Variants in ARHGEF12 observed in about 807,000 individuals in gnomAD.
The protein encoded by ARHGEF12 is Rho guanine nucleotide exchange factor 12.
ARHGEF12 carries 66 observed loss-of-function variants against 211.2 expected under a neutral mutation model. The ratio of observed to expected loss-of-function variants is 0.31; its 90% CI spans 0.26 to 0.38. ARHGEF12 has a LOEUF of 0.38. ARHGEF12 is among the 10% of genes least tolerant of loss of function. ARHGEF12 has a pLI of 1.00. For missense variants in ARHGEF12, 1,429 were observed against 1,869.5 expected, an observed-to-expected ratio of 0.76 and a Z score of 4.34; for synonymous variants, 592 against 638.4, an observed-to-expected ratio of 0.93 and a Z score of 1.09.
rs761766621 is a variant in ARHGEF12 at position 120,440,132 on chromosome 11, A to G, written c.1003A>G (p.Thr335Ala). 8.1e-6 allele frequency: 13 copies of G among 1,609,192 alleles called. No homozygotes were observed. The highest frequency in any genetic ancestry group is 1.1e-5 in the Non-Finnish European group (13 of 1,177,712). The change falls in exon 13 of 41, where the codon ACT becomes GCT. Residue 335 changes from threonine (T) to alanine (A), a missense_variant. Coordinates refer to ENST00000397843, the MANE Select transcript of ARHGEF12 (RefSeq NM_015313.3). ...EKSETIQDTD[T>A]QSLVGSPSTR... ...TCTTTTCCCTGAATGTTGCCAGGACACTCAATCACTTGTCGGAAGTCCCTC... is the reference window on the plus strand; with the variant it reads ...TCTTTTCCCTGAATGTTGCCAGGACGCTCAATCACTTGTCGGAAGTCCCTC...
intron 11 of ARHGEF12, among the ~76,000 whole-genome samples, chr11:120,434,541 G>T (rs1945639367): frequency 6.6e-6 from 1 of 152,146 alleles, no homozygotes; most frequent in South Asian, 2.1e-4. Context: ...TGCTTTTGTT[G>T]TTGTTTTAAC....
chr11:120,453,723 A>G (rs1449714354), intron 22 of ARHGEF12, among the ~76,000 whole-genome samples: 1 of 152,210 alleles, frequency 6.6e-6, no homozygotes, highest in East Asian at 1.9e-4. Context: ...ATCTCAAGAA[A>G]AACAACAACA....
At chr11:120,376,580 A>G (rs1032886669) in intron 1 of ARHGEF12, among the ~76,000 whole-genome samples, 1 of 152,166 alleles carries the variant, frequency 6.6e-6, no homozygotes, top group African/African-American at 2.4e-5. Context: ...CAGGGATACA[A>G]TGCATGATAA....
chr11:120,459,226 A>G lies in ARHGEF12; in HGVS notation c.2433A>G (p.Gln811=), dbSNP rs1429583586. 2 of 1,613,716 alleles carry G rather than the reference A, an allele frequency of 1.2e-6. No homozygotes were observed. The highest frequency in any genetic ancestry group is 3.3e-5 in the Admixed American group (2 of 59,998). Residue 811 remains glutamine (Q), a synonymous_variant, in exon 26 of 41, where the codon CAA becomes CAG. Coordinates refer to ENST00000397843, the MANE Select transcript of ARHGEF12 (RefSeq NM_015313.3). ...TTCGAACACTGAAGGTTCTTGATCA[A>G]GTGTTCTATCAGCGAGTATCCAGAG... ...AHVRTLKVLD[Q]VFYQRVSREG...
intron 23 of ARHGEF12, chr11:120,457,499 A>AATAT (rs1946398253): frequency 4.6e-6 from 2 of 439,506 alleles, no homozygotes; most frequent in East Asian, 7.1e-5. Flanking sequence ...TAAATAAATA[A>AATAT]GTTGGGTGCA....
chr11:120,407,677 T>C (rs1397202385), intron 2 of ARHGEF12, 61 bp from the exon 3 acceptor site: 2 of 1,332,196 alleles, frequency 1.5e-6, no homozygotes, highest in South Asian at 2.5e-5. Context: ...TTTAGAATTT[T>C]AAATTTTTTA....
At chr11:120,445,867 C>T (rs1164713786) in intron 16 of ARHGEF12, among the ~76,000 whole-genome samples, 2 of 151,510 alleles carry the variant, frequency 1.3e-5, no homozygotes, top group Non-Finnish European at 2.9e-5. Flanking sequence ...CATTAACACT[C>T]CAGCCTGGGT....
intron 1 of ARHGEF12, among the ~76,000 whole-genome samples, chr11:120,369,657 TTAATTC>T (rs1216209519): frequency 3.3e-5 from 5 of 152,250 alleles, no homozygotes; most frequent in African/African-American, 1.2e-4. Context: ...TTTAAGCTAA[TTAATTC>T]TAAATTTAAA....
Position 120,445,476 on chromosome 11 carries a change from G to T in ARHGEF12, c.1345+12G>T, listed in dbSNP as rs981275819. 3 of 1,613,282 alleles carry T rather than the reference G, an allele frequency of 1.9e-6. No individual in the cohort carries two copies. The African/African-American group carries it at 4.0e-5, about 22-fold the overall frequency. ...GTCTGCAGATCTAGGTAAGCTTGGA[G>T]CACTAACATCCTGGAGAATTACATC... is the stretch of plus-strand genomic sequence containing the variant. On this transcript the variant is annotated intron_variant, in intron 16 of 40. Coordinates refer to ENST00000397843, the MANE Select transcript of ARHGEF12 (RefSeq NM_015313.3).
rs563098909 is a variant in ARHGEF12 at position 120,409,524 on chromosome 11, C to CCTTT, written c.199+87_199+90dup. Reference sequence around the variant, plus strand: ...GGTGTTCCTTTTCTGTTCTTTTTTTCCTTTCTTTCTTTCTTTTTAAATAAC... The same window carrying CCTTT: ...GGTGTTCCTTTTCTGTTCTTTTTTTCCTTTCTTTCTTTCTTTCTTTTTAAATAAC... On this transcript the variant is annotated intron_variant, in intron 4 of 40. Transcript: ENST00000397843. The CCTTT allele has an allele frequency of 6.2e-4, 901 of 1,443,692 alleles. 2 individuals carry two copies. The highest frequency in any genetic ancestry group is 1.5e-3 in the Admixed American group (81 of 55,712). The allele number at this position is 1,443,692 out of a possible 1,614,324, so 89.4% of individuals were successfully genotyped here.
intron 1 of ARHGEF12, among the ~76,000 whole-genome samples, chr11:120,342,174 CT>C: frequency 6.6e-6 from 1 of 152,098 alleles, no homozygotes; most frequent in East Asian, 1.9e-4. Flanking sequence ...TTTTTCTGTG[CT>C]ATTTTCCTTT....
chr11:120,485,306 C>T lies in ARHGEF12; in HGVS notation c.*229C>T. 1 of 452,920 alleles carries T rather than the reference C, an allele frequency of 2.2e-6. No individual in the cohort carries two copies. The highest frequency in any genetic ancestry group is 3.2e-5 in the East Asian group (1 of 31,016). The allele number at this position is 452,920 out of a possible 1,614,324, so 28.1% of individuals were successfully genotyped here. Reference sequence around the variant, plus strand: ...AATATCCATTCCCTCACTCTACTCTCCTCACTATCGGAAATTCATTTTGAT... The same window carrying T: ...AATATCCATTCCCTCACTCTACTCTTCTCACTATCGGAAATTCATTTTGAT... On this transcript the variant is annotated 3_prime_UTR_variant, in exon 41 of 41. Coordinates refer to ENST00000397843, the MANE Select transcript of ARHGEF12 (RefSeq NM_015313.3).
Position 120,467,219 on chromosome 11 carries a change from G to A in ARHGEF12, c.2765G>A (p.Arg922His), listed in dbSNP as rs1485754576. ...GATGCTGAAAGTAATCCACTGTGTC[G>A]TCGTCTTCAACTGAAGGATATTATT... ...VQDAESNPLC[R>H]RLQLKDIIPT... The change falls in exon 29 of 41, where the codon CGT becomes CAT. Residue 922 changes from arginine to histidine, a missense_variant. Physicochemically the swap from Arg to His is conservative, Grantham distance 29. Coordinates refer to ENST00000397843, the MANE Select transcript of ARHGEF12 (RefSeq NM_015313.3). The A allele has an allele frequency of 2.5e-6, 4 of 1,611,974 alleles. No homozygotes were observed. Among genetic ancestry groups the A allele is most frequent in the Non-Finnish European group, 3.4e-6 (4 of 1,178,870 alleles).
At chr11:120,444,085 G>C (rs1226355556) in intron 15 of ARHGEF12, among the ~76,000 whole-genome samples, 1 of 152,082 alleles carries the variant, frequency 6.6e-6, no homozygotes, top group Non-Finnish European at 1.5e-5. Flanking sequence ...TTTTTATTCT[G>C]TTTGTTCACT....
At position 120,406,234 on chromosome 11, in the gene ARHGEF12, T is replaced by C. The variant is rs1944700196; in HGVS notation, c.56+93T>C. ...AATTATGGTGGATTTTTGTGGTTTTTGAGAATGTGTATTCAAGTAATTCAA... is the reference window on the plus strand; with the variant it reads ...AATTATGGTGGATTTTTGTGGTTTTCGAGAATGTGTATTCAAGTAATTCAA... On this transcript the variant is annotated intron_variant, in intron 2 of 40. Transcript: ENST00000397843. 3.6e-6 allele frequency: 3 copies of C among 827,156 alleles called. No homozygotes were observed. In the East Asian group the frequency reaches 8.9e-5, roughly 25 times the overall value. The allele number at this position is 827,156 out of a possible 1,614,324, so 51.2% of individuals were successfully genotyped here. A position where few individuals can be genotyped will look rare whatever the true frequency, so the allele number is the denominator to read the frequency against.
At chr11:120,474,733 T>C (rs539359151) in intron 32 of ARHGEF12, 98 bp downstream of exon 32, 1 of 914,380 alleles carries the variant, frequency 1.1e-6, no homozygotes, top group Non-Finnish European at 1.7e-6. Context: ...AACCATTCTC[T>C]CAGCAGTTTG....
chr11:120,353,849 C>T (rs746750158), intron 1 of ARHGEF12, among the ~76,000 whole-genome samples: 11 of 152,286 alleles, frequency 7.2e-5, no homozygotes, highest in South Asian at 2.1e-4. Flanking sequence ...ACACAGTTAC[C>T]TGTTTATGCA....
intron 1 of ARHGEF12, among the ~76,000 whole-genome samples, chr11:120,380,596 C>T (rs1027049640): frequency 6.6e-6 from 1 of 152,138 alleles, no homozygotes; most frequent in African/African-American, 2.4e-5. Context: ...ATCCTCTTTT[C>T]CTCTCATCAG....
chr11:120,337,304 C>T, intron 1 of ARHGEF12, 29 bp downstream of exon 1: 1 of 1,613,762 alleles, frequency 6.2e-7, no homozygotes. Context: ...TTCGTTCGGC[C>T]TCCCGGAATC....
Sources: gnomAD v4.1 joint callset for allele counts (sites outside exome capture counted in the v4.1 genomes callset) on GRCh38, gnomAD v4.1.1 for gene constraint, MANE v1.5 for transcripts, NCBI Gene and HGNC (gene_info 2026-07-23, HGNC 2026-07-21) for gene names.